SYBU: variants seen among roughly 807,000 people sequenced by gnomAD.
SYBU encodes the protein syntabulin, also known as GOLSYN A protein.
Under a neutral mutation model 35.9 loss-of-function variants are expected in SYBU, and 21 were observed. That is an observed-to-expected ratio of 0.58 (90% CI 0.41 to 0.84). The LOEUF (loss-of-function observed/expected upper bound fraction) is 0.84. Among genes scored for constraint, SYBU ranks in the 40% least tolerant of loss-of-function variants. The pLI is 0.00. For synonymous variants in SYBU, 319 were observed against 324.3 expected (o/e 0.98, Z 0.18); for missense variants, 768 against 848.2 (o/e 0.91, Z 1.17).
At chr8:109,677,034 A>ATGTGTGTGTGTG (rs10638682) in intron 1 of SYBU, among the ~76,000 whole-genome samples, 4 of 146,086 alleles carry the variant, frequency 2.7e-5, no homozygotes, top group Non-Finnish European at 3.0e-5. Flanking sequence ...CAGGGTGTTC[A>ATGTGTGTGTGTG]TGTGTGTGTG....
chr8:109,607,957 A>T, intron 3 of SYBU: 1 of 1,535,386 alleles, frequency 6.5e-7, no homozygotes, highest in East Asian at 2.4e-5. Context: ...TTGCCTCTGC[A>T]AACAGCCTCC....
intron 3 of SYBU, among the ~76,000 whole-genome samples, chr8:109,597,861 A>G (rs747003577): frequency 1.3e-5 from 2 of 152,234 alleles, no homozygotes; most frequent in Non-Finnish European, 2.9e-5. Context: ...GTCTTTGTGA[A>G]GTTAAATGTC....
At chr8:109,622,125 C>CT (rs139889016) in intron 2 of SYBU, among the ~76,000 whole-genome samples, 17,384 of 150,560 alleles carry the variant, frequency 0.12, 1,204 homozygotes, top group South Asian at 0.23. Flanking sequence ...ATCTGAGATT[C>CT]TTTTTTTTTC....
chr8:109,655,368 A>T (rs1045308049), intron 1 of SYBU, among the ~76,000 whole-genome samples: 5 of 152,254 alleles, frequency 3.3e-5, no homozygotes, highest in African/African-American at 1.2e-4. Flanking sequence ...ATAAAGTTAC[A>T]TTAAAGCTAT....
chr8:109,582,485 C>T (rs1054952145), intron 4 of SYBU, among the ~76,000 whole-genome samples: 23 of 152,272 alleles, frequency 1.5e-4, no homozygotes, highest in African/African-American at 4.3e-4. Context: ...ACAAGAAAAA[C>T]GCAGTCCACA....
In SYBU at chr8:109,586,174, C is replaced by G. The variant is rs1181222234; in HGVS notation, c.428-12G>C. The G allele has an allele frequency of 6.3e-7, 1 of 1,588,554 alleles. No homozygotes were observed. The highest frequency in any genetic ancestry group is 2.2e-5 in the East Asian group (1 of 44,502). On this transcript the variant is annotated splice_polypyrimidine_tract_variant and intron_variant, in intron 3 of 6. Transcript: ENST00000276646. ...ATCAGCTTCACTACCTGAAAAACAACAGGGGAGAGAGAAGCGTGAGGGAAA... is the reference window on the plus strand; with the variant it reads ...ATCAGCTTCACTACCTGAAAAACAAGAGGGGAGAGAGAAGCGTGAGGGAAA...
At chr8:109,689,111 A>T (rs1421495640) in intron 1 of SYBU, among the ~76,000 whole-genome samples, 1 of 152,176 alleles carries the variant, frequency 6.6e-6, no homozygotes, top group Non-Finnish European at 1.5e-5. Flanking sequence ...TTGGAATTTG[A>T]TGTACTTACA....
intron 3 of SYBU, among the ~76,000 whole-genome samples, chr8:109,589,605 T>A (rs1027263146): frequency 6.6e-6 from 1 of 152,234 alleles, no homozygotes; most frequent in African/African-American, 2.4e-5. Flanking sequence ...TTTGTTTTCA[T>A]AGCACTGCTG....
chr8:109,579,833 A>AG lies in SYBU; in HGVS notation c.699dup (p.Ser234LeufsTer8), dbSNP rs755279883. On this transcript the variant is annotated frameshift_variant, in exon 5 of 7. Coordinates refer to ENST00000276646, the MANE Select transcript of SYBU (RefSeq NM_001099754.2). LOFTEE classifies it high-confidence loss of function. Reference sequence around the variant, plus strand: ...GGGCTACAGTCGCTTCCTTTGTAGGAGCCTGAGTTGCTACTGCTTGGGGAA... The same window carrying AG: ...GGGCTACAGTCGCTTCCTTTGTAGGAGGCCTGAGTTGCTACTGCTTGGGGAA... 1.9e-6 allele frequency: 3 copies of AG among 1,585,992 alleles called. No individual in the cohort carries two copies. The highest frequency in any genetic ancestry group is 2.6e-6 in the Non-Finnish European group (3 of 1,163,274).
Position 109,586,154 on chromosome 8 carries a change from C to A in SYBU, c.436G>T (p.Ala146Ser). The A allele has an allele frequency of 6.2e-7, 1 of 1,605,184 alleles. No individual in the cohort carries two copies. Among genetic ancestry groups the A allele is most frequent in the Non-Finnish European group, 8.5e-7 (1 of 1,176,142 alleles). The change falls in exon 4 of 7, where the codon GCT (alanine) becomes TCT (serine). Residue 146 changes from alanine to serine, a missense_variant. Coordinates refer to ENST00000276646, the MANE Select transcript of SYBU (RefSeq NM_001099754.2). Reference protein sequence around the residue: ...KSGLVKPGSEADFSSSSSTGS... With the variant: ...KSGLVKPGSESDFSSSSSTGS... ...GTGCTGCTCGAGGAGCTAAAATCAG[C>A]TTCACTACCTGAAAAACAACAGGGG... is the stretch of plus-strand genomic sequence containing the variant.
chr8:109,604,238 C>T (rs1825839455), intron 3 of SYBU, among the ~76,000 whole-genome samples: 1 of 152,116 alleles, frequency 6.6e-6, no homozygotes, highest in Non-Finnish European at 1.5e-5. Flanking sequence ...TAAGGGCATA[C>T]ATAGTATTTA....
At chr8:109,631,396 C>G (rs899059148) in intron 2 of SYBU, among the ~76,000 whole-genome samples, 4 of 152,140 alleles carry the variant, frequency 2.6e-5, no homozygotes, top group Admixed American at 1.3e-4. Flanking sequence ...AATCACTTCA[C>G]GGATAAACAT....
intron 1 of SYBU, among the ~76,000 whole-genome samples, chr8:109,667,597 C>T (rs1015778914): frequency 1.3e-5 from 2 of 150,828 alleles, no homozygotes; most frequent in Non-Finnish European, 2.9e-5. Context: ...TAAAATGCTT[C>T]AAAGCAAATT....
upstream of SYBU, chr8:109,648,884 G>A (rs965482975): frequency 2.7e-5 from 4 of 149,096 alleles, no homozygotes; most frequent in African/African-American, 7.4e-5. Context: ...GGCATCGTGA[G>A]ATTTTTTTGT....
intron 1 of SYBU, among the ~76,000 whole-genome samples, chr8:109,664,471 G>A (rs1230446921): frequency 6.6e-6 from 1 of 152,144 alleles, no homozygotes; most frequent in Non-Finnish European, 1.5e-5. Context: ...TCCTCCAGTA[G>A]AGACCAATTT....
At chr8:109,687,969 T>C (rs1817558692) in intron 1 of SYBU, among the ~76,000 whole-genome samples, 1 of 152,194 alleles carries the variant, frequency 6.6e-6, no homozygotes, top group Admixed American at 6.5e-5. Flanking sequence ...TAGAGGTACA[T>C]TTTTAATTTA....
At chr8:109,675,283 T>G (rs1354524190) in intron 1 of SYBU, among the ~76,000 whole-genome samples, 3 of 151,976 alleles carry the variant, frequency 2.0e-5, no homozygotes, top group African/African-American at 7.2e-5. Context: ...AAGAAATAAC[T>G]AAGATCAGAG....
At chr8:109,604,103 A>G (rs977967948) in intron 3 of SYBU, among the ~76,000 whole-genome samples, 10 of 152,182 alleles carry the variant, frequency 6.6e-5, no homozygotes, top group Non-Finnish European at 1.5e-4. Flanking sequence ...AAGAAAGAAA[A>G]AAGAAAACGT....
chr8:109,678,769 C>A (rs1435534860), intron 1 of SYBU, among the ~76,000 whole-genome samples: 6 of 152,084 alleles, frequency 3.9e-5, no homozygotes, highest in African/African-American at 1.4e-4. Context: ...TGCAGGAAGA[C>A]AATTCTTACT....
Sources: gnomAD v4.1 joint callset for allele counts (sites outside exome capture counted in the v4.1 genomes callset) on GRCh38, gnomAD v4.1.1 for gene constraint, MANE v1.5 for transcripts, NCBI Gene and HGNC (gene_info 2026-07-23, HGNC 2026-07-21) for gene names.